SYNE2: variants seen among roughly 807,000 people sequenced by gnomAD.
SYNE2 encodes nesprin-2.
Under a neutral mutation model 856.3 loss-of-function variants are expected in SYNE2, and 431 were observed. That is an observed-to-expected ratio of 0.50 (90% CI 0.47 to 0.55). SYNE2 has a LOEUF of 0.55. Among genes scored for constraint, SYNE2 ranks in the 20% least tolerant of loss-of-function variants. The probability of loss-of-function intolerance (pLI) is 0.00; values close to 1 mark genes in which losing one functional copy is unlikely to be tolerated. For synonymous variants in SYNE2, 2,923 were observed against 2,872.3 expected, an observed-to-expected ratio of 1.02 and a Z score of -0.56; for missense variants, 8,129 against 8,023.2, an observed-to-expected ratio of 1.01 and a Z score of -0.50.
intron 49 of SYNE2, among the ~76,000 whole-genome samples, chr14:64,057,313 A>G (rs956351578): frequency 1.3e-5 from 2 of 151,946 alleles, no homozygotes; most frequent in African/African-American, 2.4e-5. Context: ...ACTACTCTCT[A>G]TGTTCATGAA....
chr14:63,970,736 C>T (rs2096464219), intron 11 of SYNE2, among the ~76,000 whole-genome samples: 1 of 147,424 alleles, frequency 6.8e-6, no homozygotes, highest in African/African-American at 2.5e-5. Flanking sequence ...TCATTACAAC[C>T]TCTGCCTCCG....
intron 56 of SYNE2, 143 bp downstream of exon 56, chr14:64,080,781 G>A: frequency 2.0e-6 from 2 of 1,012,340 alleles, no homozygotes; most frequent in Admixed American, 2.0e-5. Context: ...GGCTTGTGTG[G>A]GTGCTGAGGA....
chr14:64,170,106 G>A (rs2098403485), intron 93 of SYNE2, 122 bp from the exon 94 acceptor site: 29 of 923,744 alleles, frequency 3.1e-5, no homozygotes, highest in South Asian at 1.7e-4. Context: ...GTGTTTAGAA[G>A]TTGGGATTTT....
At chr14:64,066,363 T>A (rs560261108) in intron 51 of SYNE2, among the ~76,000 whole-genome samples, 2 of 152,180 alleles carry the variant, frequency 1.3e-5, no homozygotes, top group East Asian at 3.9e-4. Context: ...CTGGGCATGG[T>A]GGCACATGCC....
chr14:64,052,548 G>T lies in SYNE2; in HGVS notation c.8635G>T (p.Ala2879Ser). ...AAAACATCACCATGTTACTTTGGAG[G>T]CATCTCAGAAGGAATTGCAAGAAAT... ...ELKHHHVTLEASQKELQEIDS... is the reference protein window; with the variant it reads ...ELKHHHVTLESSQKELQEIDS... Residue 2879 changes from alanine (A) to serine (S), a missense_variant, in exon 48 of 116, where the codon GCA (alanine) becomes TCA (serine). Coordinates refer to ENST00000555002, the MANE Select transcript of SYNE2 (RefSeq NM_182914.3). The T allele has an allele frequency of 6.2e-7, 1 of 1,614,136 alleles. No homozygotes were observed. The highest frequency in any genetic ancestry group is 8.5e-7 in the Non-Finnish European group (1 of 1,180,052).
At chr14:63,977,448 G>A (rs940081031) in intron 12 of SYNE2, among the ~76,000 whole-genome samples, 1 of 152,132 alleles carries the variant, frequency 6.6e-6, no homozygotes. Context: ...TCCTGACCTT[G>A]TGATCTGCCC....
intron 49 of SYNE2, among the ~76,000 whole-genome samples, chr14:64,057,661 T>A (rs556712315): frequency 1.8e-4 from 28 of 152,192 alleles, no homozygotes; most frequent in Non-Finnish European, 2.8e-4. Flanking sequence ...GATCATATGG[T>A]AGCTCTATTT....
At chr14:63,783,165 T>G (rs1887377494) in intron 1 of SYNE2, among the ~76,000 whole-genome samples, 1 of 152,162 alleles carries the variant, frequency 6.6e-6, no homozygotes, top group Non-Finnish European at 1.5e-5. Flanking sequence ...CCCATGCTAT[T>G]CTCATGATAG....
intron 1 of SYNE2, among the ~76,000 whole-genome samples, chr14:63,770,460 T>G (rs1311015798): frequency 2.0e-5 from 3 of 152,152 alleles, no homozygotes; most frequent in African/African-American, 7.2e-5. Context: ...GGATGAAAGC[T>G]TCATTGAATA....
At chr14:64,112,299 TAAC>T (rs1483321457) in intron 65 of SYNE2, among the ~76,000 whole-genome samples, 2 of 152,254 alleles carry the variant, frequency 1.3e-5, no homozygotes, top group East Asian at 3.8e-4. Flanking sequence ...GCTAACACGT[TAAC>T]AAACTCTTAT....
intron 113 of SYNE2, 100 bp from the exon 114 acceptor site, chr14:64,224,361 A>AC: frequency 8.8e-7 from 1 of 1,140,084 alleles, no homozygotes; most frequent in Middle Eastern, 2.7e-4. Flanking sequence ...ACAAAACAAA[A>AC]CAAAAAAAGA....
chr14:64,098,701 T>C, intron 62 of SYNE2, 46 bp from the exon 63 acceptor site: 5 of 1,600,150 alleles, frequency 3.1e-6, no homozygotes, highest in Non-Finnish European at 2.6e-6. Context: ...CTTGGTGATG[T>C]TGACTGGCAA....
At chr14:64,011,580 A>G (rs938569705) in intron 32 of SYNE2, among the ~76,000 whole-genome samples, 10 of 152,094 alleles carry the variant, frequency 6.6e-5, no homozygotes, top group African/African-American at 2.4e-4. Flanking sequence ...GCCTTATTCA[A>G]CAGACCTTGA....
chr14:64,063,031 T>G, intron 50 of SYNE2, 136 bp downstream of exon 50: 1 of 1,058,670 alleles, frequency 9.4e-7, no homozygotes, highest in Non-Finnish European at 1.4e-6. Flanking sequence ...TGAATATTCC[T>G]CAAATCGAAA....
intron 1 of SYNE2, among the ~76,000 whole-genome samples, chr14:63,867,949 C>T (rs952520217): frequency 6.6e-5 from 10 of 151,936 alleles, no homozygotes; most frequent in African/African-American, 2.4e-4. Context: ...TGTTGGGAGA[C>T]TAAGGTGGGA....
At chr14:63,966,523 C>CA (rs1279157968) in intron 10 of SYNE2, among the ~76,000 whole-genome samples, 1 of 149,712 alleles carries the variant, frequency 6.7e-6, no homozygotes, top group Non-Finnish European at 1.5e-5. Context: ...ATCCTGTCTC[C>CA]AAAAAAAGAA....
intron 30 of SYNE2, among the ~76,000 whole-genome samples, chr14:64,005,693 T>A (rs2096790879): frequency 6.6e-6 from 1 of 152,210 alleles, no homozygotes; most frequent in South Asian, 2.1e-4. Context: ...AGCAGCAATA[T>A]CAATAAGACA....
chr14:63,974,479 C>T (rs2096512905), intron 11 of SYNE2, among the ~76,000 whole-genome samples: 1 of 152,066 alleles, frequency 6.6e-6, no homozygotes, highest in South Asian at 2.1e-4. Context: ...AGGCCCAGCC[C>T]CGATACTGGG....
chr14:63,879,363 A>G (rs995540613), intron 1 of SYNE2, among the ~76,000 whole-genome samples: 1 of 152,214 alleles, frequency 6.6e-6, no homozygotes, highest in African/African-American at 2.4e-5. Flanking sequence ...AGCCCCAGTG[A>G]ACTTGAACTG....
Sources: gnomAD v4.1 joint callset for allele counts (sites outside exome capture counted in the v4.1 genomes callset) on GRCh38, gnomAD v4.1.1 for gene constraint, MANE v1.5 for transcripts, NCBI Gene and HGNC (gene_info 2026-07-23, HGNC 2026-07-21) for gene names.